Variants in ANKFY1 observed in about 807,000 individuals in gnomAD.
The protein encoded by ANKFY1 is ankyrin repeat and FYVE domain-containing protein 1.
In ANKFY1, 47 loss-of-function variants were observed where a neutral mutation model predicts 128.3. That is an observed-to-expected ratio of 0.37 (90% CI 0.29 to 0.47). The LOEUF (loss-of-function observed/expected upper bound fraction) is 0.47, where lower values mean the gene tolerates loss of function less well. ANKFY1 is among the 20% of genes least tolerant of loss of function. The pLI is 1.00. For missense variants in ANKFY1, 1,222 were observed against 1,510.6 expected (o/e 0.81, Z 3.17); for synonymous variants, 553 against 601.6 (o/e 0.92, Z 1.18).
At chr17:4,206,627 C>T (rs1447192854) in intron 6 of ANKFY1, 141 bp from the exon 7 acceptor site, 1 of 711,130 alleles carries the variant, frequency 1.4e-6, no homozygotes, top group East Asian at 2.8e-5. Flanking sequence ...TCCCCAAATT[C>T]AACTTTATTC....
intron 1 of ANKFY1, among the ~76,000 whole-genome samples, chr17:4,243,970 G>T (rs1163492851): frequency 2.0e-5 from 3 of 148,116 alleles, no homozygotes; most frequent in Non-Finnish European, 3.0e-5. Context: ...TCACTCTGTC[G>T]CCTGGGCTAG....
At chr17:4,263,594 C>T (rs1238416943) in intron 1 of ANKFY1, 8 of 1,534,400 alleles carry the variant, frequency 5.2e-6, no homozygotes, top group Admixed American at 2.0e-5. Context: ...AGAAGGCTTA[C>T]TTCCCCCGGC....
chr17:4,186,432 AAAT>A (rs976395658), intron 11 of ANKFY1: 2 of 152,506 alleles, frequency 1.3e-5, no homozygotes, highest in African/African-American at 4.8e-5. Flanking sequence ...AAAAAAAAAA[AAAT>A]ATCCTTTCCC....
At chr17:4,241,217 T>C (rs1184983785) in intron 2 of ANKFY1, among the ~76,000 whole-genome samples, 1 of 151,468 alleles carries the variant, frequency 6.6e-6, no homozygotes, top group African/African-American at 2.4e-5. Flanking sequence ...AGGTATGTCA[T>C]ATAGATTGAA....
At chr17:4,234,599 A>C (rs534904887) in intron 3 of ANKFY1, among the ~76,000 whole-genome samples, 5 of 151,952 alleles carry the variant, frequency 3.3e-5, no homozygotes, top group African/African-American at 1.2e-4. Context: ...CTGTGGCCTC[A>C]AACTCTTGGC....
At chr17:4,214,656 G>C (rs923894205) in intron 4 of ANKFY1, among the ~76,000 whole-genome samples, 6 of 151,778 alleles carry the variant, frequency 4.0e-5, no homozygotes, top group Non-Finnish European at 8.8e-5. Context: ...CTCCTGAGTA[G>C]CTGGGATTAC....
At chr17:4,249,250 T>G (rs1220754280) in intron 1 of ANKFY1, 1 of 264,522 alleles carries the variant, frequency 3.8e-6, no homozygotes, top group African/African-American at 2.3e-5. Flanking sequence ...TACTCAACTC[T>G]GCCAGTTGGA....
intron 10 of ANKFY1, among the ~76,000 whole-genome samples, chr17:4,190,228 G>C (rs1040146794): frequency 6.6e-6 from 1 of 152,124 alleles, no homozygotes; most frequent in Admixed American, 6.5e-5. Context: ...ATTACTTGAT[G>C]CCAGCAGTTT....
chr17:4,167,599 A>ACTGACAAT lies in ANKFY1; in HGVS notation c.*172_*179dup. The ACTGACAAT allele has an allele frequency of 1.7e-6, 1 of 573,074 alleles. No homozygotes were observed. 35.5% of individuals were successfully genotyped at this position (573,074 alleles called of 1,614,324 possible). ...AAATCGATCACAGTCTGACACACACACTGACAATCATATGGAATCATTTGA... is the reference window on the plus strand; with the variant it reads ...AAATCGATCACAGTCTGACACACACACTGACAATCTGACAATCATATGGAATCATTTGA... On this transcript the variant is annotated 3_prime_UTR_variant, in exon 25 of 25. Coordinates refer to ENST00000341657, the MANE Select transcript of ANKFY1 (RefSeq NM_001330063.2). This position sits in a 1 kb window ranked among gnomAD's most constrained non-coding sequence, Gnocchi z 4.1.
chr17:4,214,004 C>A (rs2060180514), intron 4 of ANKFY1, among the ~76,000 whole-genome samples: 1 of 152,204 alleles, frequency 6.6e-6, no homozygotes, highest in Non-Finnish European at 1.5e-5. Flanking sequence ...CAGAAAAAAA[C>A]CTCTTTTCAG....
chr17:4,176,239 C>T (rs951460757), intron 19 of ANKFY1, among the ~76,000 whole-genome samples: 23 of 152,342 alleles, frequency 1.5e-4, no homozygotes, highest in Non-Finnish European at 3.1e-4. Context: ...ACAATCAGGT[C>T]ACAAGGCTTT....
chr17:4,216,693 A>C, intron 4 of ANKFY1: 1 of 400,220 alleles, frequency 2.5e-6, no homozygotes, highest in Non-Finnish European at 4.7e-6. Context: ...GAAAGCTGAA[A>C]GTTTGGACAT....
Position 4,195,005 on chromosome 17 carries a change from G to A in ANKFY1, c.1345C>T (p.His449Tyr). The change falls in exon 10 of 25, where the codon CAC becomes TAC. Residue 449 changes from histidine (H) to tyrosine (Y), a missense_variant. His to Tyr is a moderately conservative substitution (Grantham distance 83, BLOSUM62 2). Transcript: ENST00000341657. ...GTCGCCGTGTCAGGTGCGTCTGTGT[G>A]GCTGCCGCGCTGGATGAGTCTGGCT... ...FAARLIQRGS[H>Y]TDAPDTATGN... 6.2e-7 allele frequency: 1 copy of A among 1,614,210 alleles called. No homozygotes were observed. The highest frequency in any genetic ancestry group is 8.5e-7 in the Non-Finnish European group (1 of 1,180,058).
rs1030555401 is a variant in ANKFY1 at position 4,181,659 on chromosome 17, C to A, written c.2122-287G>T. 1.3e-5 allele frequency among the ~76,000 whole-genome samples: 2 copies of A among 152,142 alleles called. No individual in the cohort carries two copies. The highest frequency in any genetic ancestry group is 2.9e-5 in the Non-Finnish European group (2 of 68,022). On this transcript the variant is annotated intron_variant, in intron 15 of 24. Transcript: ENST00000341657. This position sits in a 1 kb window ranked among gnomAD's most constrained non-coding sequence, Gnocchi z 4.9. The stretch of plus-strand genomic sequence containing the variant: ...GCTGAGTTCTAGAAGGGACAGAAAA[C>A]AGAAAGTGTCTGTGTACACATGCAC...
chr17:4,168,408 G>A (rs1268486977), intron 24 of ANKFY1, among the ~76,000 whole-genome samples: 8 of 152,144 alleles, frequency 5.3e-5, no homozygotes, highest in South Asian at 2.1e-4. Flanking sequence ...AGCCGAGCTC[G>A]TGTCACTGTA....
rs779849601 is a variant in ANKFY1, at chr17:4,172,516, G to A, written c.3139+40C>T. On this transcript the variant is annotated intron_variant, in intron 22 of 24. Transcript: ENST00000341657. ...CTCTTGCTTTTCCAGGAAGCAAGGT[G>A]CGCAAGTGAGACGGGACATACCCAG... 1.1e-5 allele frequency: 18 copies of A among 1,596,104 alleles called. No individual in the cohort carries two copies. The South Asian group carries it at 2.0e-4, about 18-fold the overall frequency.
chr17:4,242,144 G>C (rs1967268980), intron 2 of ANKFY1, 112 bp downstream of exon 2: 1 of 1,106,102 alleles, frequency 9.0e-7, no homozygotes, highest in African/African-American at 1.6e-5. Flanking sequence ...GAATCGATTT[G>C]CTAATATCCT....
chr17:4,197,959 G>A (rs1031590382), intron 7 of ANKFY1, among the ~76,000 whole-genome samples: 14 of 151,094 alleles, frequency 9.3e-5, no homozygotes, highest in South Asian at 2.1e-4. Flanking sequence ...GAAAAACCCC[G>A]TCTCTACTAC....
intron 7 of ANKFY1, among the ~76,000 whole-genome samples, chr17:4,205,410 A>G (rs964444523): frequency 2.0e-5 from 3 of 152,294 alleles, no homozygotes; most frequent in East Asian, 1.9e-4. Flanking sequence ...ACAAAAACCT[A>G]GTATTTTTTT....
Sources: allele counts gnomAD v4.1 joint callset (sites outside exome capture counted in the v4.1 genomes callset), GRCh38; gene constraint gnomAD v4.1.1; non-coding constraint Gnocchi (gnomAD v3.1); transcripts MANE v1.5; gene names NCBI Gene and HGNC (gene_info 2026-07-23, HGNC 2026-07-21).